The following USP34 variants were observed in gnomAD, a reference collection of about 807,000 sequenced individuals.
The protein encoded by USP34 is ubiquitin carboxyl-terminal hydrolase 34.
A neutral mutation model predicts 460.3 loss-of-function variants in USP34; 70 were observed. That is an observed-to-expected ratio of 0.15 (90% confidence interval 0.13 to 0.19). The LOEUF (loss-of-function observed/expected upper bound fraction) is 0.19, where lower values mean the gene tolerates loss of function less well. Ranked by LOEUF, USP34 falls within the 10% of genes least tolerant of loss-of-function variation. The probability of loss-of-function intolerance (pLI) is 1.00; values close to 1 mark genes in which losing one functional copy is unlikely to be tolerated. For missense variants in USP34, 3,985 were observed against 4,236.2 expected (o/e 0.94, Z 1.65); for synonymous variants, 1,647 against 1,405.3 (o/e 1.17, Z -3.85).
At chr2:61,342,318 T>TTA (rs1553373260) in intron 16 of USP34, among the ~76,000 whole-genome samples, 3 of 147,970 alleles carry the variant, frequency 2.0e-5, no homozygotes, top group South Asian at 4.3e-4. Context: ...TTTTTTTTTT[T>TTA]AAGACGGAGT....
intron 1 of USP34, among the ~76,000 whole-genome samples, chr2:61,439,968 C>G (rs1694919645): frequency 6.6e-6 from 1 of 152,122 alleles, no homozygotes; most frequent in Non-Finnish European, 1.5e-5. Context: ...ACAGGGGCAT[C>G]CTAGCCTAGT....
chr2:61,437,826 A>T (rs893948544), intron 1 of USP34, among the ~76,000 whole-genome samples: 3 of 114,388 alleles, frequency 2.6e-5, no homozygotes, highest in African/African-American at 9.6e-5. Flanking sequence ...AAAAACCTGA[A>T]CAGACCAAAA....
In USP34 at chr2:61,317,634, A is replaced by C; in HGVS notation, c.3282+20T>G. On this transcript the variant is annotated intron_variant, in intron 23 of 79. Transcript: ENST00000398571. ...ATTTGAGGAATAAAGTTGCCTAATA[A>C]AGTAAGTCTAAATCCATACCTCAGA... 1.3e-6 allele frequency: 2 copies of C among 1,577,332 alleles called. No homozygotes were observed. The highest frequency in any genetic ancestry group is 1.7e-6 in the Non-Finnish European group (2 of 1,157,122).
intron 7 of USP34, among the ~76,000 whole-genome samples, chr2:61,378,836 C>A (rs1193892080): frequency 1.5e-5 from 2 of 134,258 alleles, no homozygotes; most frequent in African/African-American, 5.6e-5. Context: ...ACCCAGGAGG[C>A]AGAGGTTGCA....
At chr2:61,239,498 A>G (rs1688183593) in intron 53 of USP34, among the ~76,000 whole-genome samples, 1 of 152,196 alleles carries the variant, frequency 6.6e-6, no homozygotes, top group African/African-American at 2.4e-5. Flanking sequence ...GATTTGTCTA[A>G]TATCTTTAGG....
intron 57 of USP34, among the ~76,000 whole-genome samples, chr2:61,234,608 C>G (rs1253054569): frequency 6.6e-6 from 1 of 151,920 alleles, no homozygotes; most frequent in Admixed American, 6.6e-5. Context: ...ATGATGTTGG[C>G]CAAAGAGTAC....
intron 1 of USP34, among the ~76,000 whole-genome samples, chr2:61,454,129 G>T (rs1695362953): frequency 1.3e-5 from 2 of 152,004 alleles, no homozygotes; most frequent in African/African-American, 4.8e-5. Context: ...ATTATAGGCA[G>T]GAAAAGAGAG....
intron 32 of USP34, among the ~76,000 whole-genome samples, 195 bp from the exon 33 acceptor site, chr2:61,293,745 T>C (rs1689932450): frequency 6.6e-6 from 1 of 152,168 alleles, no homozygotes; most frequent in African/African-American, 2.4e-5. Flanking sequence ...GTGGGTGCAA[T>C]GGTTCATGCC....
At chr2:61,220,885 T>C (rs1192923701) in intron 66 of USP34, among the ~76,000 whole-genome samples, 2 of 152,150 alleles carry the variant, frequency 1.3e-5, no homozygotes, top group African/African-American at 4.8e-5. Context: ...AGGGGAATCC[T>C]AGGAATCTAG....
At chr2:61,391,545 A>G (rs1363903056) in intron 5 of USP34, among the ~76,000 whole-genome samples, 1 of 152,134 alleles carries the variant, frequency 6.6e-6, no homozygotes, top group Non-Finnish European at 1.5e-5. Context: ...AAAATCTAAT[A>G]CTATTTTTTT....
At chr2:61,428,762 A>C (rs1573032222) in intron 1 of USP34, among the ~76,000 whole-genome samples, 1 of 152,242 alleles carries the variant, frequency 6.6e-6, no homozygotes. Context: ...CAACAGACTT[A>C]GGAAAAAAAT....
Position 61,325,377 on chromosome 2 carries a change from A to T in USP34, c.3011T>A (p.Phe1004Tyr). Residue 1004 changes from phenylalanine to tyrosine, a missense_variant and splice_region_variant, in exon 21 of 80, where the codon TTC becomes TAC. By Grantham distance (22) the Phe-to-Tyr change is conservative. Coordinates refer to ENST00000398571, the MANE Select transcript of USP34 (RefSeq NM_014709.4). The part of the protein sequence containing the change: ...VFSTLGSPDH[F>Y]RLSLEQVDIL... ...AAAGTACTGATTAAAAAACTTACTG[A>T]AATGATCAGGTGATCCCAGAGTTGA... 5.2e-6 allele frequency: 8 copies of T among 1,542,966 alleles called. No individual in the cohort carries two copies. The highest frequency in any genetic ancestry group is 6.9e-6 in the Non-Finnish European group (8 of 1,151,846).
chr2:61,230,950 T>C (rs182511349), intron 58 of USP34, among the ~76,000 whole-genome samples: 17 of 151,710 alleles, frequency 1.1e-4, no homozygotes, highest in African/African-American at 3.4e-4. Context: ...GTACTAAAAG[T>C]TCCTAACAGC....
chr2:61,328,987 G>T (rs1173634834), intron 20 of USP34, among the ~76,000 whole-genome samples: 1 of 151,916 alleles, frequency 6.6e-6, no homozygotes, highest in East Asian at 1.9e-4. Flanking sequence ...GGCCATGTGT[G>T]GTTTTATTTC....
At chr2:61,375,586 A>G (rs560625796) in intron 8 of USP34, among the ~76,000 whole-genome samples, 2 of 152,032 alleles carry the variant, frequency 1.3e-5, no homozygotes, top group South Asian at 2.1e-4. Flanking sequence ...TGGCTAACAC[A>G]GTGAAACCCC....
intron 51 of USP34, among the ~76,000 whole-genome samples, chr2:61,244,808 A>C (rs1688377514): frequency 6.6e-6 from 1 of 152,132 alleles, no homozygotes; most frequent in Non-Finnish European, 1.5e-5. Flanking sequence ...CTTATTGTGA[A>C]TCAGGTAGCC....
chr2:61,201,552 C>T (rs1558463188), intron 75 of USP34, among the ~76,000 whole-genome samples: 1 of 152,110 alleles, frequency 6.6e-6, no homozygotes, highest in East Asian at 1.9e-4. Context: ...ATATAGAGAA[C>T]TAAACCCTAT....
At chr2:61,394,069 T>G (rs1457640338) in intron 5 of USP34, among the ~76,000 whole-genome samples, 1 of 151,816 alleles carries the variant, frequency 6.6e-6, no homozygotes, top group Non-Finnish European at 1.5e-5. Context: ...TGCAGTGAGC[T>G]GAGACTGCAC....
At chr2:61,463,324 A>G (rs1695662205) in intron 1 of USP34, among the ~76,000 whole-genome samples, 1 of 152,106 alleles carries the variant, frequency 6.6e-6, no homozygotes. Flanking sequence ...TGTCTCTTAA[A>G]AAATAATCAA....
Sources: gnomAD v4.1 joint callset for allele counts (sites outside exome capture counted in the v4.1 genomes callset) on GRCh38, gnomAD v4.1.1 for gene constraint, MANE v1.5 for transcripts, NCBI Gene and HGNC (gene_info 2026-07-23, HGNC 2026-07-21) for gene names.